The following CACNA1H variants were observed in gnomAD, a reference collection of about 807,000 sequenced individuals.
CACNA1H encodes calcium voltage-gated channel subunit alpha1 H, also known as voltage-dependent T-type calcium channel subunit alpha-1H.
A neutral mutation model predicts 192.5 loss-of-function variants in CACNA1H; 149 were observed. The observed-to-expected ratio is 0.77, with a 90% CI of 0.68 to 0.89. The LOEUF is 0.89. Among genes scored for constraint, CACNA1H ranks in the 40% least tolerant of loss-of-function variants. The pLI, the probability that CACNA1H is intolerant of heterozygous loss-of-function variation, is 0.00. For synonymous variants in CACNA1H, 2,202 were observed against 1,475.2 expected, an observed-to-expected ratio of 1.49 and a Z score of -11.29; for missense variants, 4,257 against 3,423.5, an observed-to-expected ratio of 1.24 and a Z score of -6.08.
intron 10 of CACNA1H, 35 bp downstream of exon 10, chr16:1,204,493 G>C (rs1377449774): frequency 2.0e-6 from 3 of 1,496,200 alleles, no homozygotes; most frequent in Admixed American, 2.2e-5. Context: ...TGGGCTCCCT[G>C]TCAGGCTTGC....
chr16:1,197,176 G>A (rs60769728), intron 5 of CACNA1H, among the ~76,000 whole-genome samples: 2,151 of 152,328 alleles, frequency 0.014, 65 homozygotes, highest in African/African-American at 0.049. Context: ...GCTCAGATAG[G>A]GCTTGAATAC....
At chr16:1,184,021 A>G (rs1965737979) in intron 2 of CACNA1H, among the ~76,000 whole-genome samples, 1 of 152,178 alleles carries the variant, frequency 6.6e-6, no homozygotes, top group Admixed American at 6.5e-5. Flanking sequence ...CCAGGGACAG[A>G]AGAGTCAAGG....
intron 2 of CACNA1H, among the ~76,000 whole-genome samples, chr16:1,172,585 C>G (rs1964475971): frequency 6.6e-6 from 1 of 152,194 alleles, no homozygotes; most frequent in Admixed American, 6.5e-5. Context: ...GCACTCCACA[C>G]CGCTGGATCC....
intron 16 of CACNA1H, 73 bp downstream of exon 16, chr16:1,208,294 T>A: frequency 9.5e-7 from 1 of 1,052,916 alleles, no homozygotes; most frequent in East Asian, 2.6e-5. Context: ...TGGCCTTCCC[T>A]GAAGATGAGT....
chr16:1,193,544 C>T (rs1310399651), intron 2 of CACNA1H, among the ~76,000 whole-genome samples: 1 of 152,264 alleles, frequency 6.6e-6, no homozygotes, highest in African/African-American at 2.4e-5. Flanking sequence ...GGCGGCAGTG[C>T]GTGCTGTGGC....
At chr16:1,177,287 G>C (rs1471702420) in intron 2 of CACNA1H, among the ~76,000 whole-genome samples, 1 of 152,220 alleles carries the variant, frequency 6.6e-6, no homozygotes, top group Non-Finnish European at 1.5e-5. Flanking sequence ...CGGGTCCCCT[G>C]CTGCCCGGGC....
intron 2 of CACNA1H, among the ~76,000 whole-genome samples, chr16:1,171,329 G>T (rs193137593): frequency 3.9e-5 from 6 of 152,170 alleles, no homozygotes; most frequent in Non-Finnish European, 7.4e-5. Flanking sequence ...AGCAGCCCAG[G>T]GGGGTAAGAG....
chr16:1,214,938 C>T (rs1969882124), intron 27 of CACNA1H, 34 bp from the exon 28 acceptor site: 3 of 1,483,274 alleles, frequency 2.0e-6, no homozygotes, highest in Non-Finnish European at 2.8e-6. Flanking sequence ...GTGGCCCCAG[C>T]CCCACCTCAG....
Position 1,200,706 on chromosome 16 carries a change from G to GC in CACNA1H, c.1120-3dup, listed in dbSNP as rs748730819. 6.1e-5 allele frequency: 96 copies of GC among 1,564,964 alleles called. No individual in the cohort carries two copies. Among genetic ancestry groups the GC allele is most frequent in the Admixed American group, 2.3e-4 (12 of 52,536 alleles). On this transcript the variant is annotated splice_polypyrimidine_tract_variant and intron_variant, in intron 7 of 34. Coordinates refer to ENST00000348261, the MANE Select transcript of CACNA1H (RefSeq NM_021098.3). ...TCGTGCGGGCCCAAGTCAAGCCACT[G>GC]CCCCCCCAGGTGATCACGCTGGAAG...
rs1316470429 is a variant in CACNA1H at position 1,207,474 on chromosome 16, A to G, written c.3063+44A>G. 3.1e-6 allele frequency: 5 copies of G among 1,594,416 alleles called. No individual in the cohort carries two copies. In the African/African-American group the frequency reaches 4.0e-5, roughly 13 times the overall value. ...GGGCTGCCAGGAGGAGGGCGATGAG[A>G]AGAGAGACGGGCTTCAGGTCGAGGG... is the stretch of plus-strand genomic sequence containing the variant. On this transcript the variant is annotated intron_variant, in intron 14 of 34. Coordinates refer to ENST00000348261, the MANE Select transcript of CACNA1H (RefSeq NM_021098.3).
Position 1,218,568 on chromosome 16 carries a change from G to A in CACNA1H, c.5804G>A (p.Arg1935Lys). 1 of 1,564,610 alleles carries A rather than the reference G, an allele frequency of 6.4e-7. No homozygotes were observed. Among genetic ancestry groups the A allele is most frequent in the Non-Finnish European group, 8.7e-7 (1 of 1,154,936 alleles). The change falls in exon 33 of 35, where the codon AGG (arginine) becomes AAG (lysine). Residue 1935 changes from arginine to lysine, a missense_variant. By Grantham distance (26) the Arg-to-Lys change is conservative. Coordinates refer to ENST00000348261, the MANE Select transcript of CACNA1H (RefSeq NM_021098.3). Reference protein sequence around the residue: ...LSLPNDSYMFRPVVPASAPHP... With the variant: ...LSLPNDSYMFKPVVPASAPHP... Reference sequence around the variant, plus strand: ...CTGCCCAACGACAGCTACATGTTCAGGCCCGTGGTGCCTGCCTCGGCGCCC... The same window carrying A: ...CTGCCCAACGACAGCTACATGTTCAAGCCCGTGGTGCCTGCCTCGGCGCCC...
chr16:1,171,441 G>T lies in CACNA1H; in HGVS notation c.299+17405G>T, dbSNP rs566900455. ...CCCGCAGCCCACTTTTTGGCCCTGG[G>T]CTCTGACCACAGAGTCTGCAGAGCC... On this transcript the variant is annotated intron_variant, in intron 2 of 34. Transcript: ENST00000348261. Among the ~76,000 whole-genome samples the T allele has an allele frequency of 4.6e-4, 70 of 152,320 alleles. No homozygotes were observed. In the South Asian group the frequency reaches 0.014, roughly 30 times the overall value.
rs757110424 is a variant in CACNA1H, at chr16:1,201,926, C to T, written c.1476C>T (p.Pro492=). 1.0e-5 allele frequency: 16 copies of T among 1,549,772 alleles called. No homozygotes were observed. In the African/African-American group the frequency reaches 1.8e-4, roughly 17 times the overall value. ...GCCGCTGGCGCAAGAAGGTGGACCCCAGTGCTGTGCAAGGCCAGGGTCCCG... is the reference window on the plus strand; with the variant it reads ...GCCGCTGGCGCAAGAAGGTGGACCCTAGTGCTGTGCAAGGCCAGGGTCCCG... The part of the protein sequence containing the change: ...WQSRWRKKVD[P]SAVQGQGPGH... The change falls in exon 9 of 35, where the codon CCC becomes CCT. Residue 492 remains proline, a synonymous_variant. Coordinates refer to ENST00000348261, the MANE Select transcript of CACNA1H (RefSeq NM_021098.3).
chr16:1,191,110 C>T (rs28407965), intron 2 of CACNA1H, among the ~76,000 whole-genome samples: 1 of 108,704 alleles, frequency 9.2e-6, no homozygotes, highest in Admixed American at 8.9e-5. Context: ...GCTGGCCTGG[C>T]TGTGTGGCCT....
intron 2 of CACNA1H, among the ~76,000 whole-genome samples, chr16:1,190,340 C>A (rs573092360): frequency 6.6e-6 from 1 of 152,262 alleles, no homozygotes; most frequent in Admixed American, 6.5e-5. Context: ...ATTAAGCCTC[C>A]AGAAGTCACC....
At chr16:1,166,592 G>C (rs1056496871) in intron 2 of CACNA1H, among the ~76,000 whole-genome samples, 6 of 152,098 alleles carry the variant, frequency 3.9e-5, no homozygotes, top group African/African-American at 1.4e-4. Flanking sequence ...TCCTCGCCCC[G>C]AGAGGAAACC....
intron 2 of CACNA1H, among the ~76,000 whole-genome samples, chr16:1,178,734 G>A (rs943714558): frequency 6.6e-5 from 10 of 152,212 alleles, no homozygotes; most frequent in Non-Finnish European, 1.3e-4. Flanking sequence ...CCCCCGGCCA[G>A]GAGCTCCTGG....
rs1433384279 is a variant in CACNA1H, at chr16:1,204,184, G to T, written c.2177G>T (p.Gly726Val). The T allele has an allele frequency of 8.7e-6, 14 of 1,612,252 alleles. No homozygotes were observed. Among genetic ancestry groups the T allele is most frequent in the African/African-American group, 4.0e-5 (3 of 74,942 alleles). Residue 726 changes from glycine to valine, a missense_variant, in exon 10 of 35, where the codon GGC (glycine) becomes GTC (valine). By Grantham distance (109) the Gly-to-Val change is moderately radical. Coordinates refer to ENST00000348261, the MANE Select transcript of CACNA1H (RefSeq NM_021098.3). ...GSESGDSDGR[G>V]VYEFTQDVRH... ...GAAAGTGGAGACTCAGATGGCCGTG[G>T]CGTCTATGAATTCACGCAGGACGTC...
chr16:1,201,271 C>G (rs1967858499), intron 8 of CACNA1H, among the ~76,000 whole-genome samples: 1 of 151,998 alleles, frequency 6.6e-6, no homozygotes, highest in Non-Finnish European at 1.5e-5. Context: ...TCTGAGAGAG[C>G]AAGCGAAGCG....
Sources: allele counts gnomAD v4.1 joint callset (sites outside exome capture counted in the v4.1 genomes callset), GRCh38; gene constraint gnomAD v4.1.1; transcripts MANE v1.5; gene names NCBI Gene and HGNC (gene_info 2026-07-23, HGNC 2026-07-21).